PALM2AKAP2: variants seen among roughly 807,000 people sequenced by gnomAD.
PALM2AKAP2 encodes PALM2-AKAP2 fusion protein.
A neutral mutation model predicts 71.5 loss-of-function variants in PALM2AKAP2; 37 were observed. The observed-to-expected ratio is 0.52, with a 90% CI of 0.40 to 0.68. The LOEUF is 0.68. Ranked by LOEUF, PALM2AKAP2 falls within the 30% of genes least tolerant of loss-of-function variation. PALM2AKAP2 has a pLI of 0.00. For synonymous variants in PALM2AKAP2, 468 were observed against 478.8 expected, an observed-to-expected ratio of 0.98 and a Z score of 0.29; for missense variants, 1,224 against 1,191.8, an observed-to-expected ratio of 1.03 and a Z score of -0.40.
At chr9:110,053,840 G>C (rs1231103261) in intron 1 of PALM2AKAP2, among the ~76,000 whole-genome samples, 2 of 152,220 alleles carry the variant, frequency 1.3e-5, no homozygotes, top group African/African-American at 4.8e-5. Flanking sequence ...ATGAATGCCA[G>C]GGAAGGAGAG....
intron 3 of PALM2AKAP2, among the ~76,000 whole-genome samples, chr9:109,898,776 G>A (rs957541138): frequency 2.0e-5 from 3 of 152,078 alleles, no homozygotes; most frequent in Admixed American, 1.3e-4. Flanking sequence ...TTGGAGCAGC[G>A]TCTCTATGTC....
Position 109,785,592 on chromosome 9 carries a change from C to T in PALM2AKAP2, c.45+5059C>T, listed in dbSNP as rs533894221. 3.3e-5 allele frequency among the ~76,000 whole-genome samples: 5 copies of T among 152,304 alleles called. No homozygotes were observed. The South Asian group carries it at 1.0e-3, about 32-fold the overall frequency. ...CACAATCATGGCAGAAGGTGAAAGG[C>T]ACATCTCACATGGCAACAGACTGGA... On this transcript the variant is annotated intron_variant, in intron 1 of 9. Coordinates refer to the PALM2AKAP2 transcript ENST00000302798.
rs751388688 is a variant in PALM2AKAP2, at chr9:110,137,871, G to T, written c.1901G>T (p.Ser634Ile). The change falls in exon 2 of 4, where the codon AGT (serine) becomes ATT (isoleucine). Residue 634 changes from serine to isoleucine, a missense_variant. Transcript: ENST00000374525. ...GGAGAAGGCGTCTCCAAGTCATTTA[G>T]TGATCATGGTTTCTATTCCCCTTCC... 1.9e-6 allele frequency: 3 copies of T among 1,614,198 alleles called. No homozygotes were observed. In the Admixed American group the frequency reaches 5.0e-5, roughly 27 times the overall value.
chr9:110,033,420 A>G (rs1833322070), intron 7 of PALM2AKAP2, among the ~76,000 whole-genome samples: 1 of 151,070 alleles, frequency 6.6e-6, no homozygotes, highest in African/African-American at 2.4e-5. Context: ...CTCTCCCTTC[A>G]CTCCCTTTCT....
At chr9:109,782,559 C>A (rs1422989332) in intron 1 of PALM2AKAP2, among the ~76,000 whole-genome samples, 1 of 152,034 alleles carries the variant, frequency 6.6e-6, no homozygotes, top group Non-Finnish European at 1.5e-5. Context: ...TATAAATAAT[C>A]TGAAAATGAT....
chr9:109,696,295 A>G (rs12683987), intron 1 of PALM2AKAP2, among the ~76,000 whole-genome samples: 31,141 of 152,248 alleles, frequency 0.2, 3,478 homozygotes, highest in Middle Eastern at 0.33. Context: ...AAAGGACACA[A>G]TCAGTTCATT....
chr9:110,125,706 C>T lies in PALM2AKAP2; in HGVS notation c.157-10421C>T, dbSNP rs897527610. On this transcript the variant is annotated intron_variant, in intron 1 of 3. Transcript: ENST00000374525. ...TATGGAGGAGGTTTTCTGAGTGTGT[C>T]ATGTGCTGTGGAGTCCTTTCTTGCT... The T allele has an allele frequency of 4.8e-6, 3 of 629,344 alleles. No homozygotes were observed. In the African/African-American group the frequency reaches 6.0e-5, roughly 13 times the overall value. The allele number at this position is 629,344 out of a possible 1,614,324, so 39.0% of individuals were successfully genotyped here.
intron 6 of PALM2AKAP2, among the ~76,000 whole-genome samples, chr9:109,984,297 C>T (rs1832332699): frequency 6.6e-6 from 1 of 151,948 alleles, no homozygotes; most frequent in South Asian, 2.1e-4. Flanking sequence ...TATTTTATTT[C>T]CATAGAAAAC....
chr9:110,065,222 T>C (rs1050434868), intron 1 of PALM2AKAP2, among the ~76,000 whole-genome samples: 1 of 152,156 alleles, frequency 6.6e-6, no homozygotes, highest in Non-Finnish European at 1.5e-5. Context: ...TTATTTATTA[T>C]TTATTTATTT....
intron 1 of PALM2AKAP2, among the ~76,000 whole-genome samples, chr9:110,051,907 T>C (rs260220): frequency 0.16 from 22,559 of 139,366 alleles, 1,982 homozygotes; most frequent in Non-Finnish European, 0.21. Context: ...AATTGCACCC[T>C]TTTTTTTTTT....
intron 1 of PALM2AKAP2, among the ~76,000 whole-genome samples, chr9:109,672,650 C>T (rs1007403909): frequency 1.3e-5 from 2 of 152,088 alleles, no homozygotes; most frequent in Admixed American, 6.6e-5. Context: ...CTCTCCTGCT[C>T]ATTTTTTGGG....
At chr9:109,844,744 C>T (rs927125825) in intron 1 of PALM2AKAP2, among the ~76,000 whole-genome samples, 1 of 152,186 alleles carries the variant, frequency 6.6e-6, no homozygotes, top group Non-Finnish European at 1.5e-5. Flanking sequence ...TTGCTGCACA[C>T]CCCCTGCTGT....
intron 6 of PALM2AKAP2, among the ~76,000 whole-genome samples, chr9:109,958,933 G>A (rs1831799206): frequency 6.6e-6 from 1 of 152,194 alleles, no homozygotes; most frequent in African/African-American, 2.4e-5. Context: ...ACCAAAATTT[G>A]TAGTTCCCCA....
rs1485583835 is a variant in PALM2AKAP2, at chr9:110,137,174, A to G, written c.1204A>G (p.Lys402Glu). Residue 402 changes from lysine to glutamate, a missense_variant, in exon 2 of 4, where the codon AAG becomes GAG. Physicochemically the swap from Lys to Glu is moderately conservative, Grantham distance 56 (BLOSUM62 1). Transcript: ENST00000374525. ...ACGCGCAAGCATGATTGACAAAGCA[A>G]AGGAGGACATTGTCACAGAGCAGAT... 1.9e-6 allele frequency: 3 copies of G among 1,613,926 alleles called. No homozygotes were observed. In the African/African-American group the frequency reaches 4.0e-5, roughly 22 times the overall value.
chr9:109,952,585 C>T (rs1831665049), intron 6 of PALM2AKAP2, among the ~76,000 whole-genome samples: 1 of 152,220 alleles, frequency 6.6e-6, no homozygotes, highest in South Asian at 2.1e-4. Context: ...AATGCAAGAA[C>T]ATCTTGTCCT....
At chr9:109,692,121 A>C (rs1014457905) in intron 1 of PALM2AKAP2, among the ~76,000 whole-genome samples, 1 of 150,904 alleles carries the variant, frequency 6.6e-6, no homozygotes, top group Non-Finnish European at 1.5e-5. Flanking sequence ...ACATGATAAA[A>C]TTTATCCCTG....
At chr9:109,861,962 A>G (rs1829322240) in intron 1 of PALM2AKAP2, among the ~76,000 whole-genome samples, 1 of 152,226 alleles carries the variant, frequency 6.6e-6, no homozygotes, top group South Asian at 2.1e-4. Context: ...ACACTCAGAG[A>G]TACTCAGTAA....
chr9:109,824,634 G>A (rs1828095390), intron 1 of PALM2AKAP2, among the ~76,000 whole-genome samples: 1 of 152,152 alleles, frequency 6.6e-6, no homozygotes, highest in African/African-American at 2.4e-5. Flanking sequence ...GTCTCCTTAT[G>A]TTGCTTTTAG....
chr9:109,949,981 C>A (rs1831596825), intron 6 of PALM2AKAP2, among the ~76,000 whole-genome samples: 1 of 152,064 alleles, frequency 6.6e-6, no homozygotes, highest in South Asian at 2.1e-4. Flanking sequence ...AGCAGATAAA[C>A]CACCAATATA....
Sources: allele counts gnomAD v4.1 joint callset (sites outside exome capture counted in the v4.1 genomes callset), GRCh38; gene constraint gnomAD v4.1.1; transcripts MANE v1.5; gene names NCBI Gene and HGNC (gene_info 2026-07-23, HGNC 2026-07-21).